The following PLEKHH3 variants were observed in gnomAD, a reference collection of about 807,000 sequenced individuals.
PLEKHH3 encodes pleckstrin homology, MyTH4 and FERM domain containing H3.
Under a neutral mutation model 77.8 loss-of-function variants are expected in PLEKHH3, and 57 were observed. The ratio of observed to expected loss-of-function variants is 0.73; its 90% CI spans 0.59 to 0.91. The LOEUF is 0.91. PLEKHH3 is among the 40% of genes least tolerant of loss of function. The pLI is 0.00. For missense variants in PLEKHH3, 1,082 were observed against 1,091.2 expected (o/e 0.99, Z 0.12); for synonymous variants, 467 against 504.8 (o/e 0.93, Z 1.00).
chr17:42,674,314 C>A, intron 2 of PLEKHH3, 40 bp downstream of exon 2: 1 of 1,534,686 alleles, frequency 6.5e-7, no homozygotes. Context: ...CGGGAACATG[C>A]TGGGGTCGCC....
rs986145860 is a variant in PLEKHH3, at chr17:42,674,464, C to T, written c.163-55G>A. 201 of 1,498,374 alleles carry T rather than the reference C, an allele frequency of 1.3e-4. 1 individual carries two copies. In the Admixed American group the frequency reaches 3.2e-3, roughly 24 times the overall value. The allele number at this position is 1,498,374 out of a possible 1,614,324, so 92.8% of individuals were successfully genotyped here. ...GTCAGAGCCCTTCCTGCGCAAGGTT[C>T]GTGCCTTCTGCCCTCAGGACAGGGC... On this transcript the variant is annotated intron_variant, in intron 1 of 12. Transcript: ENST00000591022.
chr17:42,670,524 G>T, intron 10 of PLEKHH3, 49 bp downstream of exon 10: 1 of 1,570,162 alleles, frequency 6.4e-7, no homozygotes, highest in Non-Finnish European at 8.7e-7. Context: ...AAAACCAGGG[G>T]TTCAGGCTTG....
rs759234028 is a variant in PLEKHH3, at chr17:42,670,677, C to A, written c.1450G>T (p.Asp484Tyr). The A allele has an allele frequency of 2.5e-6, 4 of 1,612,940 alleles. No homozygotes were observed. The Admixed American group carries it at 6.7e-5, about 27-fold the overall frequency. ...AGTCTCCACCCGGAGTCGGGCGAGT[C>A]CTCCAACCCAGCTTCCTCCGCGGCC... is the stretch of plus-strand genomic sequence containing the variant. Reference protein sequence around the residue: ...NLAAEEAGLEDSPDSGWRLCL... With the variant: ...NLAAEEAGLEYSPDSGWRLCL... The change falls in exon 10 of 13, where the codon GAC (aspartate) becomes TAC (tyrosine). Residue 484 changes from aspartate to tyrosine, a missense_variant. Transcript: ENST00000591022.
chr17:42,669,298 T>C, intron 12 of PLEKHH3, 132 bp downstream of exon 12: 1 of 897,032 alleles, frequency 1.1e-6, no homozygotes, highest in Non-Finnish European at 1.6e-6. Flanking sequence ...TGTAAGCTCC[T>C]TCAGCTTGTC....
rs780074522 is a variant in PLEKHH3 at position 42,671,566 on chromosome 17, A to G, written c.1077-8T>C. ...GGGAGTGCCTGCTCGGTCCTGGGTT[A>G]GGAGGAACCCAGGGATCAATACTCC... On this transcript the variant is annotated splice_region_variant and splice_polypyrimidine_tract_variant and intron_variant, in intron 7 of 12. Coordinates refer to ENST00000591022, the MANE Select transcript of PLEKHH3 (RefSeq NM_024927.5). The surrounding 1 kb of genome is among the most constrained non-coding windows in gnomAD (Gnocchi z 4.7). 2.6e-5 allele frequency: 41 copies of G among 1,604,314 alleles called. No homozygotes were observed. Among genetic ancestry groups the G allele is most frequent in the Non-Finnish European group, 3.5e-5 (41 of 1,175,488 alleles).
chr17:42,674,273 C>T, intron 2 of PLEKHH3, 81 bp downstream of exon 2: 1 of 1,455,810 alleles, frequency 6.9e-7, no homozygotes, highest in Non-Finnish European at 9.3e-7. Flanking sequence ...TATTGCACAA[C>T]CGCTAGGGGA....
intron 11 of PLEKHH3, 139 bp downstream of exon 11, chr17:42,669,779 G>C: frequency 6.6e-7 from 1 of 1,512,672 alleles, no homozygotes; most frequent in Non-Finnish European, 8.9e-7. Flanking sequence ...AGGGCCCAAG[G>C]GCTGGTGACT....
rs114542978 is a variant in PLEKHH3, at chr17:42,668,181, C to T, written c.2328G>A (p.Pro776=). The T allele has an allele frequency of 3.0e-4, 461 of 1,544,434 alleles. 3 individuals carry two copies. In the African/African-American group the frequency reaches 3.7e-3, roughly 12 times the overall value. The change falls in exon 13 of 13, where the codon CCG becomes CCA. Residue 776 remains proline (P), a synonymous_variant. Coordinates refer to ENST00000591022, the MANE Select transcript of PLEKHH3 (RefSeq NM_024927.5). ...ACTGTCCCTGGGGCTCGTCCAGGCC[C>T]GGGCGCTGGCTGGGAGGGGAGGTGT... The part of the protein sequence containing the change: ...LPDTSPPSQR[P]GLDEPQGQSG...
intron 11 of PLEKHH3, 60 bp from the exon 12 acceptor site, chr17:42,669,681 G>C: frequency 6.5e-7 from 1 of 1,535,974 alleles, no homozygotes. Flanking sequence ...TTTTGGTAGG[G>C]GGAGATGGGT....
chr17:42,670,871 G>A, intron 9 of PLEKHH3, 123 bp downstream of exon 9: 1 of 1,532,722 alleles, frequency 6.5e-7, no homozygotes, highest in Non-Finnish European at 8.8e-7. Context: ...AGGTCCGTCT[G>A]TAAACCAGCG....
chr17:42,669,726 T>G, intron 11 of PLEKHH3, 105 bp from the exon 12 acceptor site: 1 of 1,458,096 alleles, frequency 6.9e-7, no homozygotes, highest in South Asian at 1.3e-5. Flanking sequence ...CCCCCTATGA[T>G]TCACAGCACG....
Position 42,672,237 on chromosome 17 carries a change from C to G in PLEKHH3, c.925G>C (p.Ala309Pro). Residue 309 changes from alanine (A) to proline (P), a missense_variant, in exon 7 of 13, where the codon GCT becomes CCT. Transcript: ENST00000591022. ...CCTGCAGGGCCCGAGGTCTGCTTAG[C>G]CAGCTGCAGGAAGAGTTCATCCCGG... ...ALRDELFLQL[A>P]KQTSGPAGPP... 1 of 1,551,266 alleles carries G rather than the reference C, an allele frequency of 6.4e-7. No homozygotes were observed. The highest frequency in any genetic ancestry group is 8.7e-7 in the Non-Finnish European group (1 of 1,147,136).
Position 42,669,600 on chromosome 17 carries a change from G to C in PLEKHH3, c.2035C>G (p.Gln679Glu). 1 of 1,609,186 alleles carries C rather than the reference G, an allele frequency of 6.2e-7. No homozygotes were observed. Among genetic ancestry groups the C allele is most frequent in the East Asian group, 2.2e-5 (1 of 44,710 alleles). Residue 679 changes from glutamine (Q) to glutamate (E), a missense_variant, in exon 12 of 13, where the codon CAG becomes GAG. Around this residue, in one of 3 missense-constraint regions of PLEKHH3, gnomAD observed 733 missense variants for 750.0 expected, o/e 0.98. Transcript: ENST00000591022. ...LSTEPGRGAP[Q>E]KLCLGLGAKA... ...GCTCCCAAGCCCAGGCACAGCTTCT[G>C]TGGAGCACCCCGACCAGGCTCCTGC...
In PLEKHH3 at chr17:42,671,530, G is replaced by T. The variant is rs758819240; in HGVS notation, c.1105C>A (p.Leu369Met). ...CGGATGAAGCGCGCATATTCCGCCAGTTCCGAGTCCGGGAGTGCCTGCTCG... is the reference window on the plus strand; with the variant it reads ...CGGATGAAGCGCGCATATTCCGCCATTTCCGAGTCCGGGAGTGCCTGCTCG... ...RTEQALPDSE[L>M]AEYARFIRKA... The change falls in exon 8 of 13, where the codon CTG (leucine) becomes ATG (methionine). Residue 369 changes from leucine to methionine, a missense_variant. By Grantham distance (15) the Leu-to-Met change is conservative. Transcript: ENST00000591022. This position sits in a 1 kb window ranked among gnomAD's most constrained non-coding sequence, Gnocchi z 4.7. The T allele has an allele frequency of 2.1e-5, 34 of 1,612,312 alleles. No individual in the cohort carries two copies. The highest frequency in any genetic ancestry group is 2.9e-5 in the Non-Finnish European group (34 of 1,179,698).
chr17:42,670,679 T>C lies in PLEKHH3; in HGVS notation c.1448A>G (p.Glu483Gly), dbSNP rs2052676724. Residue 483 changes from glutamate to glycine, a missense_variant, in exon 10 of 13, where the codon GAG becomes GGG. Around this residue, in one of 3 missense-constraint regions of PLEKHH3, gnomAD observed 733 missense variants for 750.0 expected, o/e 0.98. Coordinates refer to ENST00000591022, the MANE Select transcript of PLEKHH3 (RefSeq NM_024927.5). ...ENLAAEEAGL[E>G]DSPDSGWRLC... Reference sequence around the variant, plus strand: ...TCTCCACCCGGAGTCGGGCGAGTCCTCCAACCCAGCTTCCTCCGCGGCCAA... The same window carrying C: ...TCTCCACCCGGAGTCGGGCGAGTCCCCCAACCCAGCTTCCTCCGCGGCCAA... 1 of 1,612,580 alleles carries C rather than the reference T, an allele frequency of 6.2e-7. No individual in the cohort carries two copies. The highest frequency in any genetic ancestry group is 8.5e-7 in the Non-Finnish European group (1 of 1,179,662).
intron 12 of PLEKHH3, chr17:42,669,221 C>T (rs1042050201): frequency 3.7e-5 from 17 of 459,584 alleles, no homozygotes; most frequent in Admixed American, 1.3e-4. Context: ...ATCACTCTTT[C>T]CTTTGTAGCA....
In PLEKHH3 at chr17:42,670,029, C is replaced by T. The variant is rs1567956248; in HGVS notation, c.1902G>A (p.Trp634Ter). 3 of 1,570,456 alleles carry T rather than the reference C, an allele frequency of 1.9e-6. No homozygotes were observed. The highest frequency in any genetic ancestry group is 2.6e-6 in the Non-Finnish European group (3 of 1,163,814). ...CTCGGCCCATGCCCCGTAGCCGCTT[C>T]CAGCCGCCCAGCACGGCAGCTGCCG... Reference protein sequence around the residue: ...AGTAAAVLGGWKRLRGMGRAE... With the variant: ...AGTAAAVLGG The change falls in exon 11 of 13, where the codon TGG (tryptophan) becomes TGA (stop). Residue 634 changes from tryptophan (W) to a stop codon, truncating the protein, a stop_gained. Coordinates refer to ENST00000591022, the MANE Select transcript of PLEKHH3 (RefSeq NM_024927.5). LOFTEE classifies it high-confidence loss of function.
Position 42,673,823 on chromosome 17 carries a change from G to A in PLEKHH3, c.310C>T (p.Arg104Trp), listed in dbSNP as rs750937800. The A allele has an allele frequency of 3.1e-6, 5 of 1,593,236 alleles. No homozygotes were observed. Among genetic ancestry groups the A allele is most frequent in the African/African-American group, 2.7e-5 (2 of 74,592 alleles). ...PDIVVKGWLYREPRGGGARPW... is the reference protein window; with the variant it reads ...PDIVVKGWLYWEPRGGGARPW... ...CGCGCCCCTCCTCCGCGGGGCTCCC[G>A]GTACAGCCAACCTGGGGGCCGGAGA... The change falls in exon 4 of 13, where the codon CGG becomes TGG. Residue 104 changes from arginine to tryptophan, a missense_variant. By Grantham distance (101) the Arg-to-Trp change is moderately radical. Coordinates refer to ENST00000591022, the MANE Select transcript of PLEKHH3 (RefSeq NM_024927.5).
chr17:42,670,037 C>T lies in PLEKHH3; in HGVS notation c.1894G>A (p.Gly632Ser), dbSNP rs778070560. 1.7e-5 allele frequency: 27 copies of T among 1,549,480 alleles called. No homozygotes were observed. The highest frequency in any genetic ancestry group is 2.2e-5 in the Non-Finnish European group (25 of 1,155,028). ...GGAGTAAAVLGGWKRLRGMGR... is the reference protein window; with the variant it reads ...GGAGTAAAVLSGWKRLRGMGR... ...ATGCCCCGTAGCCGCTTCCAGCCGCCCAGCACGGCAGCTGCCGTGCCGGCG... is the reference window on the plus strand; with the variant it reads ...ATGCCCCGTAGCCGCTTCCAGCCGCTCAGCACGGCAGCTGCCGTGCCGGCG... The change falls in exon 11 of 13, where the codon GGC becomes AGC. Residue 632 changes from glycine to serine, a missense_variant. Gly to Ser is a moderately conservative substitution (Grantham distance 56, BLOSUM62 0). This residue lies in a region of PLEKHH3 where 733 missense variants were observed against 750.0 expected (regional missense o/e 0.98). Coordinates refer to ENST00000591022, the MANE Select transcript of PLEKHH3 (RefSeq NM_024927.5).
Sources: allele counts gnomAD v4.1 joint callset, GRCh38; gene constraint gnomAD v4.1.1; regional missense constraint gnomAD v4.1.1; non-coding constraint Gnocchi (gnomAD v3.1); transcripts MANE v1.5; gene names NCBI Gene and HGNC (gene_info 2026-07-23, HGNC 2026-07-21).